Variants in PRKCH observed in about 807,000 individuals in gnomAD.
The protein encoded by PRKCH is protein kinase C eta.
A neutral mutation model predicts 82.5 loss-of-function variants in PRKCH; 28 were observed. That is an observed-to-expected ratio of 0.34 (90% CI 0.25 to 0.47). The LOEUF is 0.47. PRKCH is among the 20% of genes least tolerant of loss of function. The probability of loss-of-function intolerance (pLI) is 1.00; values close to 1 mark genes in which losing one functional copy is unlikely to be tolerated. For missense variants in PRKCH, 705 were observed against 881.8 expected (o/e 0.80, Z 2.54); for synonymous variants, 322 against 327.4 (o/e 0.98, Z 0.18).
At chr14:61,272,587 C>A (rs1005838505) in intron 1 of PRKCH, among the ~76,000 whole-genome samples, 1 of 151,986 alleles carries the variant, frequency 6.6e-6, no homozygotes, top group African/African-American at 2.4e-5. Context: ...ATCTCCTGAC[C>A]TCAGGTGATC....
chr14:61,199,732 C>T (rs1171832754), intron 1 of PRKCH, among the ~76,000 whole-genome samples: 3 of 152,162 alleles, frequency 2.0e-5, no homozygotes, highest in Admixed American at 6.6e-5. Context: ...AAACATCAGG[C>T]GCTAGTTCCC....
chr14:61,310,655 T>C (rs2045516076), intron 1 of PRKCH, among the ~76,000 whole-genome samples: 1 of 152,234 alleles, frequency 6.6e-6, no homozygotes, highest in African/African-American at 2.4e-5. Context: ...TCTACCATTC[T>C]GGGGTCTGGA....
chr14:61,235,584 T>G, intron 1 of PRKCH, among the ~76,000 whole-genome samples: 1 of 152,210 alleles, frequency 6.6e-6, no homozygotes. Flanking sequence ...GTACTAGGTA[T>G]GGGAAACATT....
chr14:61,391,418 T>C, intron 2 of PRKCH, 130 bp downstream of exon 2: 1 of 801,024 alleles, frequency 1.2e-6, no homozygotes, highest in Non-Finnish European at 1.9e-6. Context: ...TTTCATAAGT[T>C]GGGCTGGCTA....
At chr14:61,249,103 C>T (rs1461267296) in intron 1 of PRKCH, among the ~76,000 whole-genome samples, 2 of 151,974 alleles carry the variant, frequency 1.3e-5, no homozygotes, top group Admixed American at 6.6e-5. Flanking sequence ...TGCCTGGCCT[C>T]GATGGTTCAA....
chr14:61,223,031 T>C (rs1446588935), intron 1 of PRKCH, among the ~76,000 whole-genome samples: 1 of 152,112 alleles, frequency 6.6e-6, no homozygotes, highest in Non-Finnish European at 1.5e-5. Flanking sequence ...TCACTCTAAT[T>C]TTTGCACCAA....
chr14:61,447,039 T>A (rs1349608328), intron 4 of PRKCH, among the ~76,000 whole-genome samples: 2 of 152,186 alleles, frequency 1.3e-5, no homozygotes, highest in Non-Finnish European at 2.9e-5. Context: ...CCCTAAGGCA[T>A]ATAAAACCAA....
chr14:61,364,999 G>A (rs2046279372), intron 1 of PRKCH, among the ~76,000 whole-genome samples: 1 of 152,044 alleles, frequency 6.6e-6, no homozygotes. Context: ...AGTCTCCAAG[G>A]TAGAGCAGTT....
intron 10 of PRKCH, among the ~76,000 whole-genome samples, chr14:61,526,961 AC>A (rs2042973261): frequency 6.6e-6 from 1 of 152,184 alleles, no homozygotes; most frequent in Non-Finnish European, 1.5e-5. Context: ...TAAATGTCTC[AC>A]CCAAAAGGCC....
rs1594859527 is a variant in PRKCH, at chr14:61,222,589, C to T, written c.-19+34921C>T. Among the ~76,000 whole-genome samples the T allele has an allele frequency of 1.3e-5, 2 of 152,164 alleles. 1 individual carries two copies. Among genetic ancestry groups the T allele is most frequent in the South Asian group, 4.1e-4 (2 of 4,828 alleles). On this transcript the variant is annotated intron_variant, in intron 1 of 3. Transcript: ENST00000555185. ...TGAGAATTGTGTGTTCAGACATGAA[C>T]AACTCCATGAACTTTTTTGTGTGTG...
At chr14:61,544,213 G>C (rs1446011503) in intron 12 of PRKCH, 1 of 152,164 alleles carries the variant, frequency 6.6e-6, no homozygotes, top group African/African-American at 2.4e-5. Context: ...GAGTGGTGGG[G>C]CATGTGACTG....
chr14:61,493,089 A>G (rs1328858058), intron 10 of PRKCH, among the ~76,000 whole-genome samples: 1 of 152,204 alleles, frequency 6.6e-6, no homozygotes, highest in Non-Finnish European at 1.5e-5. Context: ...TGAAGTATTA[A>G]GCACTTACTG....
In PRKCH at chr14:61,403,538, G is replaced by C. The variant is rs542254086; in HGVS notation, c.427+12250G>C. ...GTTCTCATAAAAATAAGGTCAGGAAGTGACACCAAAACAACTCAGAAGCCT... is the reference window on the plus strand; with the variant it reads ...GTTCTCATAAAAATAAGGTCAGGAACTGACACCAAAACAACTCAGAAGCCT... On this transcript the variant is annotated intron_variant, in intron 2 of 13. Coordinates refer to ENST00000332981, the MANE Select transcript of PRKCH (RefSeq NM_006255.5). Among the ~76,000 whole-genome samples, 37 of 152,352 alleles carry C rather than the reference G, an allele frequency of 2.4e-4. 1 individual carries two copies. The highest frequency in any genetic ancestry group is 8.4e-4 in the African/African-American group (35 of 41,592).
chr14:61,366,103 A>T (rs1029673783), intron 1 of PRKCH, among the ~76,000 whole-genome samples: 2 of 152,088 alleles, frequency 1.3e-5, no homozygotes, highest in Non-Finnish European at 2.9e-5. Context: ...CTGTCAGAAG[A>T]TGAGACAGTG....
intron 1 of PRKCH, chr14:61,298,987 T>C (rs980000530): frequency 7.9e-5 from 12 of 152,210 alleles, no homozygotes; most frequent in African/African-American, 2.2e-4. Flanking sequence ...TTTTACCTTT[T>C]GACTTGGGGT....
At chr14:61,338,597 G>C (rs1350188548) in intron 1 of PRKCH, among the ~76,000 whole-genome samples, 1 of 152,136 alleles carries the variant, frequency 6.6e-6, no homozygotes, top group Non-Finnish European at 1.5e-5. Flanking sequence ...CACTATGTCA[G>C]GAATGTATTA....
At chr14:61,449,700 C>T (rs939147941) in intron 5 of PRKCH, among the ~76,000 whole-genome samples, 1 of 152,164 alleles carries the variant, frequency 6.6e-6, no homozygotes, top group Non-Finnish European at 1.5e-5. Context: ...CTCTTTTCCT[C>T]AGTCTTAAAA....
chr14:61,529,065 T>C lies in PRKCH; in HGVS notation c.1434-10T>C. The C allele has an allele frequency of 6.2e-7, 1 of 1,609,010 alleles. No individual in the cohort carries two copies. Among genetic ancestry groups the C allele is most frequent in the Non-Finnish European group, 8.5e-7 (1 of 1,177,240 alleles). On this transcript the variant is annotated splice_polypyrimidine_tract_variant and intron_variant, in intron 10 of 13. Coordinates refer to ENST00000332981, the MANE Select transcript of PRKCH (RefSeq NM_006255.5). ...CTGCCCTATCTCGTGCTGCTCTTTG[T>C]ATCTTTCAGAGATCTGAAACTGGAC...
intron 7 of PRKCH, 123 bp from the exon 8 acceptor site, chr14:61,457,053 G>A: frequency 9.4e-7 from 1 of 1,062,856 alleles, no homozygotes. Context: ...GTCAAACTGA[G>A]TTGATCTTTC....
Sources: allele counts gnomAD v4.1 joint callset (sites outside exome capture counted in the v4.1 genomes callset), GRCh38; gene constraint gnomAD v4.1.1; transcripts MANE v1.5; gene names NCBI Gene and HGNC (gene_info 2026-07-23, HGNC 2026-07-21).